Variants in BMERB1 observed in about 807,000 individuals in gnomAD.
BMERB1 encodes bMERB domain containing 1, also known as bMERB domain-containing protein 1.
In BMERB1, 12 loss-of-function variants were observed where a neutral mutation model predicts 23.6. The observed-to-expected ratio is 0.51, with a 90% CI of 0.33 to 0.82. The LOEUF (loss-of-function observed/expected upper bound fraction) is 0.82, where lower values mean the gene tolerates loss of function less well. Ranked by LOEUF, BMERB1 falls within the 40% of genes least tolerant of loss-of-function variation. The pLI is 0.03. For synonymous variants in BMERB1, 122 were observed against 96.6 expected, an observed-to-expected ratio of 1.26 and a Z score of -1.54; for missense variants, 247 against 255.4, an observed-to-expected ratio of 0.97 and a Z score of 0.22.
intron 1 of BMERB1, among the ~76,000 whole-genome samples, chr16:15,508,050 G>C (rs2051613977): frequency 6.6e-6 from 1 of 152,156 alleles, no homozygotes; most frequent in African/African-American, 2.4e-5. Context: ...ATTACAACAA[G>C]AGCTTTGGAG....
At chr16:15,463,366 T>A (rs1160909900) in intron 1 of BMERB1, among the ~76,000 whole-genome samples, 1 of 152,132 alleles carries the variant, frequency 6.6e-6, no homozygotes, top group Admixed American at 6.5e-5. Flanking sequence ...AGCCCTGGGA[T>A]TGCAGGCATA....
intron 3 of BMERB1, among the ~76,000 whole-genome samples, chr16:15,580,897 G>T (rs539348637): frequency 1.5e-4 from 22 of 147,542 alleles, no homozygotes; most frequent in East Asian, 9.9e-4. Flanking sequence ...GTAATTTTTT[G>T]TTTTTTTTTT....
intron 1 of BMERB1, among the ~76,000 whole-genome samples, chr16:15,484,092 A>G (rs963330828): frequency 6.6e-6 from 1 of 152,120 alleles, no homozygotes; most frequent in African/African-American, 2.4e-5. Flanking sequence ...TAACAGCCAG[A>G]TCTCTTGGGA....
At chr16:15,464,312 T>TAAAAAAAA (rs528828210) in intron 1 of BMERB1, among the ~76,000 whole-genome samples, 8 of 103,994 alleles carry the variant, frequency 7.7e-5, no homozygotes, top group African/African-American at 2.9e-4. Flanking sequence ...GACTTCATCT[T>TAAAAAAAA]AAAAAAAAAA....
At chr16:15,561,471 G>A (rs916677325) in intron 2 of BMERB1, among the ~76,000 whole-genome samples, 2 of 151,548 alleles carry the variant, frequency 1.3e-5, no homozygotes, top group African/African-American at 4.8e-5. Context: ...GTCTCACCAC[G>A]TTGGCCAGGC....
In BMERB1 at chr16:15,548,681, T is replaced by C. The variant is rs1430963780; in HGVS notation, c.231-19302T>C. ...CATCCAACAGAGATTACTTGCGTTT[T>C]CTTTGTGGTTTATCAAGCCCCAGGG... On this transcript the variant is annotated intron_variant, in intron 2 of 5. Transcript: ENST00000300006. Among the ~76,000 whole-genome samples, 3 of 152,224 alleles carry C rather than the reference T, an allele frequency of 2.0e-5. No individual in the cohort carries two copies. In the East Asian group the frequency reaches 5.8e-4, roughly 29 times the overall value.
intron 1 of BMERB1, among the ~76,000 whole-genome samples, chr16:15,514,278 G>T (rs1326545549): frequency 6.6e-6 from 1 of 151,928 alleles, no homozygotes; most frequent in Non-Finnish European, 1.5e-5. Flanking sequence ...CAAAACAAAT[G>T]AAAAAATACT....
chr16:15,555,153 A>G (rs1444348318), intron 2 of BMERB1, among the ~76,000 whole-genome samples: 1 of 152,090 alleles, frequency 6.6e-6, no homozygotes, highest in Admixed American at 6.6e-5. Context: ...TGGCTCACCC[A>G]GGAGCTCAAC....
At chr16:15,511,522 A>T (rs1454507407) in intron 1 of BMERB1, among the ~76,000 whole-genome samples, 1 of 152,192 alleles carries the variant, frequency 6.6e-6, no homozygotes, top group Non-Finnish European at 1.5e-5. Context: ...TGCACTATTT[A>T]TGTTCTGCAC....
chr16:15,545,467 C>T (rs985889696), intron 2 of BMERB1, among the ~76,000 whole-genome samples: 9 of 152,122 alleles, frequency 5.9e-5, no homozygotes, highest in African/African-American at 1.4e-4. Context: ...AACACTCTGA[C>T]GCTTCTTTTG....
intron 2 of BMERB1, among the ~76,000 whole-genome samples, chr16:15,523,536 T>A (rs552242919): frequency 6.6e-6 from 1 of 152,274 alleles, no homozygotes; most frequent in Admixed American, 6.5e-5. Flanking sequence ...CTATCACCTC[T>A]CTTGCATATC....
At chr16:15,528,298 G>A (rs115995073) in intron 2 of BMERB1, among the ~76,000 whole-genome samples, 2,091 of 152,102 alleles carry the variant, frequency 0.014, 58 homozygotes, top group African/African-American at 0.049. Flanking sequence ...CAAGCAGAAT[G>A]GACAGAAGGG....
chr16:15,528,766 G>A (rs527325007), intron 2 of BMERB1, among the ~76,000 whole-genome samples: 3 of 151,966 alleles, frequency 2.0e-5, no homozygotes, highest in South Asian at 2.1e-4. Context: ...TACATATGTC[G>A]ACATCTAATT....
In BMERB1 at chr16:15,444,123, G is replaced by GTTTTTTTTTTTTTTTTTTTTTT. The variant is rs150793082; in HGVS notation, c.106+9370_106+9391dup. Among the ~76,000 whole-genome samples, 86 of 35,616 alleles carry GTTTTTTTTTTTTTTTTTTTTTT rather than the reference G, an allele frequency of 2.4e-3. 20 individuals carry two copies. Among genetic ancestry groups the GTTTTTTTTTTTTTTTTTTTTTT allele is most frequent in the East Asian group, 5.4e-3 (3 of 556 alleles). 23.4% of individuals were successfully genotyped at this position (35,616 alleles called of 152,430 possible). On this transcript the variant is annotated intron_variant, in intron 1 of 5. Transcript: ENST00000300006. ...AGGCCAGGGTCCAGGCACCAGCTTTGTTTTTTTTTTTTTTTTTTTTTTTTT... is the reference window on the plus strand; with the variant it reads ...AGGCCAGGGTCCAGGCACCAGCTTTGTTTTTTTTTTTTTTTTTTTTTTTTTTTTTTTTTTTTTTTTTTTTTTT...
chr16:15,492,894 G>T (rs952651428), intron 1 of BMERB1, among the ~76,000 whole-genome samples: 6 of 148,930 alleles, frequency 4.0e-5, no homozygotes, highest in African/African-American at 1.5e-4. Flanking sequence ...ACTCCAGCCT[G>T]AGTGACAATA....
At chr16:15,455,345 A>T (rs1364734376) in intron 1 of BMERB1, among the ~76,000 whole-genome samples, 2 of 151,596 alleles carry the variant, frequency 1.3e-5, no homozygotes, top group African/African-American at 4.8e-5. Context: ...AAAGAAAAGA[A>T]AAGAAAATGT....
At position 15,459,767 on chromosome 16, in the gene BMERB1, A is replaced by AT. The variant is rs2051119768; in HGVS notation, c.106+25009dup. 3.3e-5 allele frequency among the ~76,000 whole-genome samples: 5 copies of AT among 152,196 alleles called. No individual in the cohort carries two copies. In the South Asian group the frequency reaches 1.0e-3, roughly 31 times the overall value. On this transcript the variant is annotated intron_variant, in intron 1 of 5. Transcript: ENST00000300006. ...AGGTGTTATCATACTGAAGTGCACC[A>AT]TAGTGGTGGTCTTGATGGGGAAAAG...
intron 1 of BMERB1, among the ~76,000 whole-genome samples, chr16:15,502,532 G>A (rs1161478194): frequency 2.6e-5 from 4 of 152,150 alleles, no homozygotes; most frequent in Non-Finnish European, 4.4e-5. Context: ...TTACATTCAC[G>A]TTATAGCAAG....
intron 2 of BMERB1, among the ~76,000 whole-genome samples, chr16:15,519,810 C>A (rs1031066655): frequency 6.6e-6 from 1 of 152,126 alleles, no homozygotes; most frequent in Non-Finnish European, 1.5e-5. Context: ...TGTCCTTTCC[C>A]CCAAGATCCA....
Sources: allele counts gnomAD v4.1 joint callset (sites outside exome capture counted in the v4.1 genomes callset), GRCh38; gene constraint gnomAD v4.1.1; transcripts MANE v1.5; gene names NCBI Gene and HGNC (gene_info 2026-07-23, HGNC 2026-07-21).